Variants in POLG2 observed in about 807,000 individuals in gnomAD.
POLG2 encodes the protein DNA polymerase subunit gamma-2.
POLG2 carries 50 observed loss-of-function variants against 56.5 expected under a neutral mutation model. The observed-to-expected ratio is 0.88, with a 90% CI of 0.71 to 1.12. The LOEUF (loss-of-function observed/expected upper bound fraction) is 1.12, where lower values mean the gene tolerates loss of function less well. Ranked by LOEUF, POLG2 falls within the 50% of genes most tolerant of loss-of-function variation. The pLI is 0.00. For missense variants in POLG2, 584 were observed against 583.3 expected, an observed-to-expected ratio of 1.00 and a Z score of -0.01; for synonymous variants, 226 against 222.6, an observed-to-expected ratio of 1.02 and a Z score of -0.14.
intron 5 of POLG2, 31 bp from the exon 6 acceptor site, chr17:64,483,030 C>A: frequency 9.0e-7 from 1 of 1,105,442 alleles, no homozygotes. Context: ...AGGGAGAAGA[C>A]AGGAAAGGGG....
Position 64,485,882 on chromosome 17 carries a change from CAG to C in POLG2, c.970-16_970-15del. 6.2e-7 allele frequency: 1 copy of C among 1,613,634 alleles called. No homozygotes were observed. The highest frequency in any genetic ancestry group is 8.5e-7 in the Non-Finnish European group (1 of 1,179,604). On this transcript the variant is annotated splice_polypyrimidine_tract_variant and intron_variant, in intron 4 of 7. Coordinates refer to ENST00000539111, the MANE Select transcript of POLG2 (RefSeq NM_007215.4). ...TCCATCTCGGCCCTTCACAGAAAAA[CAG>C]AAGAAAAATAATCATTTCACAGAAC...
intron 1 of POLG2, among the ~76,000 whole-genome samples, chr17:64,493,629 C>T (rs904161682): frequency 3.3e-5 from 5 of 151,872 alleles, no homozygotes; most frequent in Non-Finnish European, 7.4e-5. Flanking sequence ...GGACTACAGG[C>T]GCCCGCCACC....
intron 5 of POLG2, chr17:64,485,490 TG>T (rs1209842468): frequency 2.1e-5 from 11 of 519,514 alleles, no homozygotes; most frequent in Non-Finnish European, 3.4e-5. Context: ...GATAGCTGTC[TG>T]TTCACAATTA....
At chr17:64,487,613 CAAAAAAAAAA>C (rs202042916) in intron 4 of POLG2, 11 of 73,690 alleles carry the variant, frequency 1.5e-4, no homozygotes, top group Non-Finnish European at 3.3e-4. Flanking sequence ...GACACCATCT[CAAAAAAAAAA>C]AAAAAAAAAA....
In POLG2 at chr17:64,492,926, C is replaced by G. The variant is rs782632950; in HGVS notation, c.658G>C (p.Asp220His). 1.2e-5 allele frequency: 20 copies of G among 1,614,028 alleles called. No individual in the cohort carries two copies. The highest frequency in any genetic ancestry group is 1.7e-5 in the Non-Finnish European group (20 of 1,179,958). ...QIGVCFHPVF[D>H]TKQIRNGVKS... is the part of the protein sequence containing the mutation. The stretch of plus-strand genomic sequence containing the variant: ...ACACCATTTCGTATCTGCTTAGTGT[C>G]AAAAACAGGATGAAAACACACTCCA... Residue 220 changes from aspartate to histidine, a missense_variant, in exon 2 of 8, where the codon GAC becomes CAC. Physicochemically the swap from Asp to His is moderately conservative, Grantham distance 81 (BLOSUM62 -1). Transcript: ENST00000539111.
intron 1 of POLG2, 38 bp downstream of exon 1, chr17:64,496,369 C>T (rs781800061): frequency 3.6e-6 from 5 of 1,396,660 alleles, no homozygotes; most frequent in South Asian, 2.6e-5. Flanking sequence ...GCCTTTCCAC[C>T]CGACACCTGT....
intron 1 of POLG2, among the ~76,000 whole-genome samples, chr17:64,493,492 C>T (rs1598135284): frequency 6.7e-6 from 1 of 148,180 alleles, no homozygotes; most frequent in Non-Finnish European, 1.5e-5. Flanking sequence ...TGAAGATTTT[C>T]TTTTTTTTTT....
chr17:64,491,468 C>A, intron 3 of POLG2: 1 of 1,088,638 alleles, frequency 9.2e-7, no homozygotes. Flanking sequence ...TGTGATTGTG[C>A]AACGGCAGTC....
intron 5 of POLG2, among the ~76,000 whole-genome samples, chr17:64,483,721 C>CA (rs1555666954): frequency 1.5e-5 from 2 of 137,296 alleles, no homozygotes; most frequent in Non-Finnish European, 3.2e-5. Flanking sequence ...ATGAAATTTG[C>CA]TTTTTTTTTT....
intron 7 of POLG2, among the ~76,000 whole-genome samples, chr17:64,478,302 T>A (rs2037801340): frequency 6.6e-6 from 1 of 152,148 alleles, no homozygotes; most frequent in Non-Finnish European, 1.5e-5. Flanking sequence ...AGCCTTTTGG[T>A]TCTTGGATGC....
At chr17:64,483,274 G>A (rs555550545) in intron 5 of POLG2, among the ~76,000 whole-genome samples, 9 of 152,220 alleles carry the variant, frequency 5.9e-5, no homozygotes, top group African/African-American at 1.9e-4. Context: ...AGCACTTTGG[G>A]AGGCTGAGGC....
At chr17:64,494,206 G>C (rs2038112147) in intron 1 of POLG2, among the ~76,000 whole-genome samples, 1 of 152,184 alleles carries the variant, frequency 6.6e-6, no homozygotes, top group South Asian at 2.1e-4. Context: ...GTTAGTCATA[G>C]ATTGTCTCAC....
rs2038156721 is a variant in POLG2 at position 64,496,619 on chromosome 17, G to A, written c.350C>T (p.Ser117Leu). ...TACCTGCTCCCTGAACACCACCACC[G>A]AGGTCCACCATTCTGCGGCCAGGTT... ...RKNLAAEWWT[S>L]VVVFREQVFP... The change falls in exon 1 of 8, where the codon TCG (serine) becomes TTG (leucine). Residue 117 changes from serine to leucine, a missense_variant. Coordinates refer to ENST00000539111, the MANE Select transcript of POLG2 (RefSeq NM_007215.4). The A allele has an allele frequency of 6.2e-7, 1 of 1,613,904 alleles. No homozygotes were observed.
chr17:64,491,255 T>C (rs1236945935), intron 3 of POLG2, among the ~76,000 whole-genome samples: 3 of 152,128 alleles, frequency 2.0e-5, no homozygotes, highest in Non-Finnish European at 4.4e-5. Flanking sequence ...TGCCTCAGGA[T>C]TCAGAGTAGC....
intron 1 of POLG2, among the ~76,000 whole-genome samples, chr17:64,495,763 C>T (rs943690459): frequency 1.3e-5 from 2 of 151,850 alleles, no homozygotes; most frequent in Non-Finnish European, 2.9e-5. Flanking sequence ...AGCTGGAGTG[C>T]AGTGGCGTGA....
intron 6 of POLG2, chr17:64,481,121 A>T (rs1360085716): frequency 4.2e-6 from 1 of 239,832 alleles, no homozygotes; most frequent in African/African-American, 2.3e-5. Flanking sequence ...CCTCCAGGAG[A>T]GGCCTGCAGC....
In POLG2 at chr17:64,490,978, G is replaced by T. The variant is rs782673657; in HGVS notation, c.796-9C>A. On this transcript the variant is annotated splice_polypyrimidine_tract_variant and intron_variant, in intron 3 of 7. Coordinates refer to ENST00000539111, the MANE Select transcript of POLG2 (RefSeq NM_007215.4). Reference sequence around the variant, plus strand: ...GATGGACTCATGGCAAACTGGAAAAGAAAATTTAAGTTTGTCTTAACATAT... The same window carrying T: ...GATGGACTCATGGCAAACTGGAAAATAAAATTTAAGTTTGTCTTAACATAT... 3 of 1,606,892 alleles carry T rather than the reference G, an allele frequency of 1.9e-6. No individual in the cohort carries two copies. The highest frequency in any genetic ancestry group is 2.2e-5 in the South Asian group (2 of 90,940).
Position 64,496,771 on chromosome 17 carries a change from G to T in POLG2, c.198C>A (p.Ser66Arg). ...HPEAPGSGEGSEALLEICQRR... is the reference protein window; with the variant it reads ...HPEAPGSGEGREALLEICQRR... ...TCTGACAGATCTCTAACAGCGCCTC[G>T]CTTCCCTCTCCAGACCCGGGGGCTT... is the stretch of plus-strand genomic sequence containing the variant. The change falls in exon 1 of 8, where the codon AGC (serine) becomes AGA (arginine). Residue 66 changes from serine (S) to arginine (R), a missense_variant. Coordinates refer to ENST00000539111, the MANE Select transcript of POLG2 (RefSeq NM_007215.4). 1 of 1,613,800 alleles carries T rather than the reference G, an allele frequency of 6.2e-7. No homozygotes were observed. The highest frequency in any genetic ancestry group is 8.5e-7 in the Non-Finnish European group (1 of 1,179,976).
intron 4 of POLG2, among the ~76,000 whole-genome samples, chr17:64,488,067 C>CA (rs202230809): frequency 0.014 from 2,192 of 151,634 alleles, 35 homozygotes; most frequent in Non-Finnish European, 0.023. Flanking sequence ...AAAACAGATA[C>CA]AAAATGGCCT....
Sources: allele counts gnomAD v4.1 joint callset (sites outside exome capture counted in the v4.1 genomes callset), GRCh38; gene constraint gnomAD v4.1.1; transcripts MANE v1.5; gene names NCBI Gene and HGNC (gene_info 2026-07-23, HGNC 2026-07-21).